The following HMCN1 variants were observed in gnomAD, a reference collection of about 807,000 sequenced individuals.
HMCN1 encodes hemicentin 1, also known as hemicentin-1.
HMCN1 carries 321 observed loss-of-function variants against 625.9 expected under a neutral mutation model. The observed-to-expected ratio is 0.51, with a 90% CI of 0.47 to 0.56. The LOEUF is 0.56. HMCN1 is among the 20% of genes least tolerant of loss of function. The pLI is 0.00. For missense variants in HMCN1, 6,588 were observed against 6,887.3 expected, an observed-to-expected ratio of 0.96 and a Z score of 1.54; for synonymous variants, 2,425 against 2,417.6, an observed-to-expected ratio of 1.00 and a Z score of -0.09.
chr1:185,904,255 T>C (rs1006718613), intron 4 of HMCN1, among the ~76,000 whole-genome samples: 2 of 151,852 alleles, frequency 1.3e-5, no homozygotes, highest in Non-Finnish European at 2.9e-5. Flanking sequence ...CCCAGAGAGA[T>C]AGGCTCTTCT....
chr1:186,119,691 C>T, intron 78 of HMCN1, 54 bp from the exon 79 acceptor site: 1 of 1,559,264 alleles, frequency 6.4e-7, no homozygotes, highest in Non-Finnish European at 8.8e-7. Context: ...CTACAATAGA[C>T]ATGGTTTATT....
At chr1:185,909,225 C>A in intron 4 of HMCN1, 112 bp from the exon 5 acceptor site, 1 of 777,450 alleles carries the variant, frequency 1.3e-6, no homozygotes, top group Admixed American at 2.0e-5. Context: ...AAATTTCACA[C>A]CAGTCCAGGA....
At chr1:185,884,630 G>A (rs1664520969) in intron 4 of HMCN1, among the ~76,000 whole-genome samples, 1 of 151,912 alleles carries the variant, frequency 6.6e-6, no homozygotes, top group Non-Finnish European at 1.5e-5. Flanking sequence ...TTTGTAGGAG[G>A]GTAGTTTCTA....
intron 1 of HMCN1, among the ~76,000 whole-genome samples, chr1:185,812,864 A>T (rs1003137654): frequency 9.2e-5 from 14 of 151,990 alleles, no homozygotes; most frequent in Admixed American, 2.6e-4. Context: ...ATGAGACCTA[A>T]TTTTTTTATG....
Position 186,016,211 on chromosome 1 carries a change from G to T in HMCN1, c.5163G>T (p.Lys1721Asn). 1.9e-6 allele frequency: 3 copies of T among 1,613,128 alleles called. No homozygotes were observed. In the South Asian group the frequency reaches 3.3e-5, roughly 18 times the overall value. Residue 1721 changes from lysine (K) to asparagine (N), a missense_variant, in exon 32 of 107, where the codon AAG (lysine) becomes AAT (asparagine). Transcript: ENST00000271588. ...ICVATSVAGEKEIKYEVDVLV... is the reference protein window; with the variant it reads ...ICVATSVAGENEIKYEVDVLV... ...TGGCTACCAGTGTGGCAGGAGAAAA[G>T]GAAATCAAATATGAAGTTGATGTCT...
intron 104 of HMCN1, among the ~76,000 whole-genome samples, chr1:186,179,770 T>C (rs1021431842): frequency 6.6e-5 from 10 of 152,122 alleles, no homozygotes; most frequent in African/African-American, 2.4e-4. Flanking sequence ...TCAATTTTTT[T>C]TGTTTCTTTT....
chr1:186,090,433 G>A (rs1659778721), intron 63 of HMCN1, among the ~76,000 whole-genome samples: 1 of 151,910 alleles, frequency 6.6e-6, no homozygotes, highest in Admixed American at 6.6e-5. Context: ...CCTTACCTAT[G>A]TGCTTGTGGT....
At chr1:185,995,605 C>T (rs1178994122) in intron 24 of HMCN1, among the ~76,000 whole-genome samples, 1 of 152,088 alleles carries the variant, frequency 6.6e-6, no homozygotes. Flanking sequence ...AGGCAAAACC[C>T]CTGCTTTCAT....
intron 11 of HMCN1, among the ~76,000 whole-genome samples, chr1:185,949,971 G>A (rs2102529127): frequency 6.6e-6 from 1 of 151,920 alleles, no homozygotes; most frequent in African/African-American, 2.4e-5. Context: ...TAAGAGGCGG[G>A]CTAGTGGCTT....
chr1:185,841,825 G>C (rs1661495796), intron 1 of HMCN1, among the ~76,000 whole-genome samples: 1 of 152,178 alleles, frequency 6.6e-6, no homozygotes, highest in Admixed American at 6.5e-5. Flanking sequence ...CTATGAGGTG[G>C]TTATAAGGCT....
intron 1 of HMCN1, among the ~76,000 whole-genome samples, chr1:185,814,484 G>A (rs1298498854): frequency 1.3e-5 from 2 of 152,044 alleles, no homozygotes; most frequent in African/African-American, 4.8e-5. Context: ...ATGAATATCT[G>A]CTTTCATGCT....
intron 6 of HMCN1, among the ~76,000 whole-genome samples, chr1:185,915,913 A>G (rs563692216): frequency 6.6e-5 from 10 of 152,116 alleles, no homozygotes; most frequent in African/African-American, 2.2e-4. Context: ...GGCATGTTTG[A>G]TAATAGATTT....
chr1:186,111,277 G>A lies in HMCN1; in HGVS notation c.10990-1535G>A, dbSNP rs551091776. On this transcript the variant is annotated intron_variant, in intron 71 of 106. Coordinates refer to ENST00000271588, the MANE Select transcript of HMCN1 (RefSeq NM_031935.3). ...ATTACAGGCGTGAGCCACCGCGCCC[G>A]GCCAAAACCAGAGAAAATTCTAATG... Among the ~76,000 whole-genome samples, 7 of 152,028 alleles carry A rather than the reference G, an allele frequency of 4.6e-5. No homozygotes were observed. In the South Asian group the frequency reaches 1.0e-3, roughly 23 times the overall value.
intron 100 of HMCN1, among the ~76,000 whole-genome samples, chr1:186,167,866 A>G (rs1358933): frequency 0.14 from 20,900 of 152,136 alleles, 1,509 homozygotes; most frequent in Middle Eastern, 0.18. Flanking sequence ...TAGATAGAAC[A>G]GTTTATCTAC....
chr1:186,096,953 T>G (rs2102427219), intron 68 of HMCN1, among the ~76,000 whole-genome samples: 1 of 152,234 alleles, frequency 6.6e-6, no homozygotes, highest in African/African-American at 2.4e-5. Context: ...CAGGAAAAAG[T>G]TGAAAGCCTT....
chr1:185,756,125 A>T (rs1269109107), intron 1 of HMCN1, among the ~76,000 whole-genome samples: 1 of 152,182 alleles, frequency 6.6e-6, no homozygotes, highest in East Asian at 1.9e-4. Context: ...TCAATAAGAT[A>T]GTGTGAATGG....
chr1:186,017,135 C>T lies in HMCN1; in HGVS notation c.5300+64C>T, dbSNP rs537284447. 19 of 835,258 alleles carry T rather than the reference C, an allele frequency of 2.3e-5. No individual in the cohort carries two copies. In the African/African-American group the frequency reaches 2.8e-4, roughly 12 times the overall value. The allele number at this position is 835,258 out of a possible 1,614,324, so 51.7% of individuals were successfully genotyped here. On this transcript the variant is annotated intron_variant, in intron 33 of 106. Transcript: ENST00000271588. ...TTTGTTTTGAGTGTTTTAGAGCTAT[C>T]TTGAAAGCTGTTCTGTATCATTAAA... is the stretch of plus-strand genomic sequence containing the variant.
At chr1:185,968,973 T>C (rs1160505729) in intron 14 of HMCN1, among the ~76,000 whole-genome samples, 1 of 152,188 alleles carries the variant, frequency 6.6e-6, no homozygotes, top group Non-Finnish European at 1.5e-5. Context: ...GTTTCATGAC[T>C]GCTATTCTTT....
At chr1:185,902,423 CTATCTA>C (rs1558053157) in intron 4 of HMCN1, among the ~76,000 whole-genome samples, 6 of 135,774 alleles carry the variant, frequency 4.4e-5, no homozygotes, top group African/African-American at 1.9e-4. Context: ...ATCTATCTAT[CTATCTA>C]TCTATCTATC....
Sources: allele counts gnomAD v4.1 joint callset (sites outside exome capture counted in the v4.1 genomes callset), GRCh38; gene constraint gnomAD v4.1.1; transcripts MANE v1.5; gene names NCBI Gene and HGNC (gene_info 2026-07-23, HGNC 2026-07-21).